The following SLK variants were observed in gnomAD, a reference collection of about 807,000 sequenced individuals.
The protein encoded by SLK is STE20 like kinase.
A neutral mutation model predicts 147.7 loss-of-function variants in SLK; 67 were observed. That is an observed-to-expected ratio of 0.45 (90% CI 0.37 to 0.56). SLK has a LOEUF of 0.56. SLK is among the 20% of genes least tolerant of loss of function. The pLI, the probability that SLK is intolerant of heterozygous loss-of-function variation, is 0.00. For synonymous variants in SLK, 441 were observed against 475.0 expected, an observed-to-expected ratio of 0.93 and a Z score of 0.93; for missense variants, 1,136 against 1,438.8, an observed-to-expected ratio of 0.79 and a Z score of 3.41.
At chr10:104,022,943 G>A (rs1055443178) in intron 18 of SLK, among the ~76,000 whole-genome samples, 2 of 152,196 alleles carry the variant, frequency 1.3e-5, no homozygotes, top group African/African-American at 4.8e-5. Flanking sequence ...TTTCTTTATT[G>A]TTAAACTTTT....
At position 103,990,792 on chromosome 10, in the gene SLK, A is replaced by G; in HGVS notation, c.268A>G (p.Asn90Asp). 6.4e-7 allele frequency: 1 copy of G among 1,552,788 alleles called. No individual in the cohort carries two copies. Among genetic ancestry groups the G allele is most frequent in the Non-Finnish European group, 8.7e-7 (1 of 1,156,030 alleles). ...IDILASCDHP[N>D]IVKLLDAFYY... is the part of the protein sequence containing the mutation. The stretch of plus-strand genomic sequence containing the variant: ...CATATTAGCATCTTGTGATCACCCA[A>G]ATATAGTCAAGCTTCTAGATGCCTT... The change falls in exon 2 of 19, where the codon AAT becomes GAT. Residue 90 changes from asparagine (N) to aspartate (D), a missense_variant. Around this residue, in one of 6 missense-constraint regions of SLK, gnomAD observed 126 missense variants for 141.3 expected, o/e 0.89. Transcript: ENST00000369755.
chr10:103,967,702 G>A lies in SLK; in HGVS notation c.-44G>A, dbSNP rs373111447. 6.3e-7 allele frequency: 1 copy of A among 1,593,912 alleles called. No homozygotes were observed. Among genetic ancestry groups the A allele is most frequent in the Admixed American group, 1.7e-5 (1 of 58,612 alleles). On this transcript the variant is annotated 5_prime_UTR_variant, in exon 1 of 19. Coordinates refer to ENST00000369755, the MANE Select transcript of SLK (RefSeq NM_014720.4). ...GGGAAGAGAAACTTTGCCTTTTATT[G>A]TTTTTAGTCCTTAAGTGCAAGGAAC...
chr10:103,986,720 C>A (rs2476944), intron 1 of SLK, among the ~76,000 whole-genome samples: 12 of 146,840 alleles, frequency 8.2e-5, no homozygotes, highest in Non-Finnish European at 1.8e-4. Context: ...GGTCTGTTGC[C>A]CAGGCTGGAG....
At chr10:104,021,967 T>C (rs1844541205) in intron 18 of SLK, among the ~76,000 whole-genome samples, 1 of 152,116 alleles carries the variant, frequency 6.6e-6, no homozygotes. Flanking sequence ...ACAGATTTTG[T>C]AAGCAGAGGA....
chr10:103,978,606 AATCTC>A (rs1489969517), intron 1 of SLK, among the ~76,000 whole-genome samples: 2 of 152,180 alleles, frequency 1.3e-5, no homozygotes, highest in African/African-American at 4.8e-5. Flanking sequence ...TTTAAGTGAT[AATCTC>A]ATCTCAAGAT....
intron 16 of SLK, 90 bp downstream of exon 16, chr10:104,020,012 A>G (rs1844514475): frequency 3.0e-6 from 3 of 1,013,610 alleles, no homozygotes; most frequent in Non-Finnish European, 4.5e-6. Context: ...TTTCTAAACA[A>G]TTAGAGCCAC....
chr10:104,026,838 G>C lies in SLK; in HGVS notation c.*1118G>C, dbSNP rs1844605474. ...GCTACTTATGTCTTGGTTTTATTTTGTTCCATGTTTAAATCATTCACTTTG... is the reference window on the plus strand; with the variant it reads ...GCTACTTATGTCTTGGTTTTATTTTCTTCCATGTTTAAATCATTCACTTTG... On this transcript the variant is annotated 3_prime_UTR_variant, in exon 19 of 19. Transcript: ENST00000369755. The C allele has an allele frequency of 6.6e-6, 1 of 152,076 alleles. No homozygotes were observed. Among genetic ancestry groups the C allele is most frequent in the African/African-American group, 2.4e-5 (1 of 41,420 alleles). 9.4% of individuals were successfully genotyped at this position (152,076 alleles called of 1,614,324 possible). A position where few individuals can be genotyped will look rare whatever the true frequency, so the allele number is the denominator to read the frequency against.
chr10:103,995,129 A>G (rs957675470), intron 4 of SLK, among the ~76,000 whole-genome samples: 2 of 152,220 alleles, frequency 1.3e-5, no homozygotes, highest in Non-Finnish European at 2.9e-5. Flanking sequence ...GAAGATAATG[A>G]CTTGGCTGTC....
At chr10:103,983,163 T>C (rs944008620) in intron 1 of SLK, among the ~76,000 whole-genome samples, 6 of 152,304 alleles carry the variant, frequency 3.9e-5, no homozygotes, top group Admixed American at 3.9e-4. Flanking sequence ...ATTAACTCTG[T>C]GTGTTTGCTA....
intron 9 of SLK, among the ~76,000 whole-genome samples, chr10:104,004,666 T>C (rs1318063925): frequency 6.6e-6 from 1 of 152,134 alleles, no homozygotes; most frequent in South Asian, 2.1e-4. Context: ...TGTTTAAAAT[T>C]TGGATGCATT....
intron 1 of SLK, among the ~76,000 whole-genome samples, chr10:103,989,844 C>T (rs1183984650): frequency 1.3e-5 from 2 of 152,058 alleles, no homozygotes; most frequent in South Asian, 2.1e-4. Flanking sequence ...TGTTTATTAC[C>T]CAAATGAGTT....
At chr10:103,973,461 T>C (rs2134442480) in intron 1 of SLK, among the ~76,000 whole-genome samples, 1 of 152,376 alleles carries the variant, frequency 6.6e-6, no homozygotes, top group African/African-American at 2.4e-5. Context: ...TTAGTAGTAT[T>C]GTTGGCCCTT....
chr10:103,985,284 C>T (rs369001029), intron 1 of SLK, among the ~76,000 whole-genome samples: 10 of 152,182 alleles, frequency 6.6e-5, no homozygotes, highest in African/African-American at 9.6e-5. Context: ...ATAGAGGGGA[C>T]GGCTGTATTA....
chr10:103,992,848 G>T, intron 3 of SLK, 136 bp from the exon 4 acceptor site: 1 of 426,424 alleles, frequency 2.3e-6, no homozygotes, highest in Non-Finnish European at 3.9e-6. Flanking sequence ...TGTGATCTTT[G>T]TAGATATAGT....
At chr10:103,979,867 T>C (rs1036789554) in intron 1 of SLK, among the ~76,000 whole-genome samples, 3 of 152,194 alleles carry the variant, frequency 2.0e-5, no homozygotes, top group African/African-American at 7.2e-5. Flanking sequence ...AGTTTTAATA[T>C]AGTCCAATTT....
In SLK at chr10:104,002,318, T is replaced by C. The variant is rs748929327; in HGVS notation, c.1140T>C (p.Ile380=). ...CTGAAGATAAACTCAACAGCAAAAT[T>C]CTTAATGAAAAACCCACCACTGATG... ...SNSEDKLNSK[I]LNEKPTTDEP... is the part of the protein sequence containing the mutation. The change falls in exon 9 of 19, where the codon ATT becomes ATC. Residue 380 remains isoleucine, a synonymous_variant. Coordinates refer to ENST00000369755, the MANE Select transcript of SLK (RefSeq NM_014720.4). 6.2e-7 allele frequency: 1 copy of C among 1,613,696 alleles called. No individual in the cohort carries two copies. The highest frequency in any genetic ancestry group is 8.5e-7 in the Non-Finnish European group (1 of 1,179,734).
rs533158112 is a variant in SLK at position 103,969,710 on chromosome 10, G to T, written c.150+1815G>T. Among the ~76,000 whole-genome samples, 20 of 152,278 alleles carry T rather than the reference G, an allele frequency of 1.3e-4. No individual in the cohort carries two copies. In the South Asian group the frequency reaches 4.1e-3, roughly 32 times the overall value. On this transcript the variant is annotated intron_variant, in intron 1 of 18. Transcript: ENST00000369755. ...TCATTGTAGTGGGAAGATCACTCCTGGGAATCAAGAGTTGTGTTTTAGTGC... is the reference window on the plus strand; with the variant it reads ...TCATTGTAGTGGGAAGATCACTCCTTGGAATCAAGAGTTGTGTTTTAGTGC...
At chr10:104,011,849 C>T (rs1844405700) in intron 13 of SLK, among the ~76,000 whole-genome samples, 1 of 152,142 alleles carries the variant, frequency 6.6e-6, no homozygotes, top group South Asian at 2.1e-4. Flanking sequence ...CGTGAGCCAC[C>T]ACCACCGGCT....
intron 7 of SLK, 63 bp from the exon 8 acceptor site, chr10:104,001,381 G>A: frequency 3.0e-6 from 4 of 1,315,928 alleles, no homozygotes; most frequent in Admixed American, 1.8e-5. Context: ...TGTGTTGTGT[G>A]TGTTTGAAAC....
Sources: gnomAD v4.1 joint callset for allele counts (sites outside exome capture counted in the v4.1 genomes callset) on GRCh38, gnomAD v4.1.1 for gene constraint, gnomAD v4.1.1 regional missense constraint, MANE v1.5 for transcripts, NCBI Gene and HGNC (gene_info 2026-07-23, HGNC 2026-07-21) for gene names.